The following FAM118A variants were observed in gnomAD, a reference collection of about 807,000 sequenced individuals.
FAM118A encodes SIR2 antiphage like 2.
FAM118A carries 25 observed loss-of-function variants against 38.2 expected under a neutral mutation model. That is an observed-to-expected ratio of 0.65 (90% CI 0.48 to 0.91). The LOEUF is 0.91. FAM118A is among the 40% of genes least tolerant of loss of function. The pLI is 0.00. For missense variants in FAM118A, 425 were observed against 463.3 expected, an observed-to-expected ratio of 0.92 and a Z score of 0.76; for synonymous variants, 178 against 184.1, an observed-to-expected ratio of 0.97 and a Z score of 0.27.
In FAM118A at chr22:45,322,356, A is replaced by G; in HGVS notation, c.-9-15A>G. On this transcript the variant is annotated splice_polypyrimidine_tract_variant and intron_variant, in intron 1 of 8. Coordinates refer to ENST00000441876, the MANE Select transcript of FAM118A (RefSeq NM_017911.4). Reference sequence around the variant, plus strand: ...TGGGAGACAGAAGTCACTTCTGACTAATTTTTCTCTTTAGAATTCACAGAT... The same window carrying G: ...TGGGAGACAGAAGTCACTTCTGACTGATTTTTCTCTTTAGAATTCACAGAT... 1 of 1,605,616 alleles carries G rather than the reference A, an allele frequency of 6.2e-7. No homozygotes were observed. The highest frequency in any genetic ancestry group is 1.1e-5 in the South Asian group (1 of 89,034).
intron 6 of FAM118A, among the ~76,000 whole-genome samples, chr22:45,333,674 CAA>C (rs541613789): frequency 9.6e-5 from 9 of 93,544 alleles, no homozygotes; most frequent in Non-Finnish European, 1.2e-4. Context: ...ACTCTGTTTC[CAA>C]AAAAAAAAAA....
chr22:45,327,439 C>A (rs6006987), intron 3 of FAM118A, among the ~76,000 whole-genome samples: 66,946 of 151,936 alleles, frequency 0.44, 17,966 homozygotes, highest in African/African-American at 0.75. Context: ...CTCCTGCCTC[C>A]GTGGCCTCTT....
intron 1 of FAM118A, among the ~76,000 whole-genome samples, chr22:45,313,968 A>C (rs959066308): frequency 5.3e-5 from 8 of 152,182 alleles, no homozygotes; most frequent in African/African-American, 1.4e-4. Flanking sequence ...ATTCCATTTA[A>C]TGCTTCCAGC....
chr22:45,329,118 G>A (rs736037), intron 4 of FAM118A: 67,143 of 152,382 alleles, frequency 0.44, 18,831 homozygotes, highest in African/African-American at 0.79. Context: ...GGGGATCACA[G>A]TTCAGCATGA....
chr22:45,324,189 T>C (rs908740138), intron 3 of FAM118A, among the ~76,000 whole-genome samples: 6 of 152,104 alleles, frequency 3.9e-5, no homozygotes, highest in Non-Finnish European at 5.9e-5. Context: ...AGAGTTGAGG[T>C]TGGCTGTGAA....
At chr22:45,340,272 G>A (rs3827393) in intron 8 of FAM118A, 114 bp from the exon 9 acceptor site, 1,133,265 of 1,308,476 alleles carry the variant, frequency 0.87, 491,743 homozygotes, top group African/African-American at 0.91. Context: ...GGTTTTCAAA[G>A]TCTTCCGTAC....
At chr22:45,324,479 T>G (rs2085114743) in intron 3 of FAM118A, among the ~76,000 whole-genome samples, 1 of 152,238 alleles carries the variant, frequency 6.6e-6, no homozygotes, top group Admixed American at 6.5e-5. Context: ...TTCATCTCAT[T>G]GGCCAGAGTT....
chr22:45,323,005 G>A (rs891838684), intron 2 of FAM118A, among the ~76,000 whole-genome samples, 170 bp from the exon 3 acceptor site: 2 of 151,602 alleles, frequency 1.3e-5, no homozygotes, highest in African/African-American at 2.4e-5. Flanking sequence ...CGCAAAGAAG[G>A]ATACACAGGC....
intron 3 of FAM118A, among the ~76,000 whole-genome samples, chr22:45,325,892 T>G (rs1014372976): frequency 6.6e-6 from 1 of 151,986 alleles, no homozygotes; most frequent in Non-Finnish European, 1.5e-5. Flanking sequence ...GAGCCAGGTC[T>G]CAGGTCGGGG....
At chr22:45,332,892 C>T (rs570722677) in intron 6 of FAM118A, among the ~76,000 whole-genome samples, 182 bp downstream of exon 6, 2 of 152,134 alleles carry the variant, frequency 1.3e-5, no homozygotes, top group African/African-American at 2.4e-5. Flanking sequence ...TACAGGCATG[C>T]GCCACCATGC....
intron 3 of FAM118A, among the ~76,000 whole-genome samples, chr22:45,327,300 A>G (rs75238271): frequency 0.01 from 1,476 of 145,994 alleles, 21 homozygotes; most frequent in African/African-American, 0.035. Context: ...CCACGAAGAC[A>G]CGCTGTTTCA....
intron 2 of FAM118A, 134 bp from the exon 3 acceptor site, chr22:45,323,041 C>CTCTG (rs34063912): frequency 1.5e-6 from 1 of 658,848 alleles, no homozygotes; most frequent in South Asian, 2.0e-5. Context: ...TCAGAGGGGA[C>CTCTG]TGTGTGTGTG....
intron 8 of FAM118A, among the ~76,000 whole-genome samples, chr22:45,338,698 C>T (rs1291812724): frequency 1.3e-5 from 2 of 152,104 alleles, no homozygotes; most frequent in Admixed American, 6.5e-5. Context: ...ATAAGTAAGC[C>T]AAAGTAAAAC....
intron 8 of FAM118A, 145 bp downstream of exon 8, chr22:45,336,556 A>C: frequency 1.6e-6 from 1 of 625,158 alleles, no homozygotes; most frequent in East Asian, 2.8e-5. Flanking sequence ...AGAGCACAGG[A>C]GGCTTACTTA....
At chr22:45,330,985 AG>A (rs1347034925) in intron 5 of FAM118A, among the ~76,000 whole-genome samples, 1 of 152,184 alleles carries the variant, frequency 6.6e-6, no homozygotes. Flanking sequence ...TTCCTTTCAA[AG>A]CAGAGATCTG....
Position 45,336,381 on chromosome 22 carries a change from G to A in FAM118A, c.1024G>A (p.Val342Ile), listed in dbSNP as rs375304927. ...GAAGTTAGAAGAGAATGGAATTGAA[G>A]TTTCAAAAAAACGCACACAATCAGA... ...KRKLEENGIE[V>I]SKKRTQSDTD... The change falls in exon 8 of 9, where the codon GTT (valine) becomes ATT (isoleucine). Residue 342 changes from valine (V) to isoleucine (I), a missense_variant. By Grantham distance (29) the Val-to-Ile change is conservative. Transcript: ENST00000441876. 2.7e-5 allele frequency: 44 copies of A among 1,613,958 alleles called. No homozygotes were observed. Among genetic ancestry groups the A allele is most frequent in the South Asian group, 5.5e-5 (5 of 91,088 alleles).
At chr22:45,330,782 G>T in intron 5 of FAM118A, 51 bp downstream of exon 5, 1 of 1,454,444 alleles carries the variant, frequency 6.9e-7, no homozygotes, top group Non-Finnish European at 9.1e-7. Context: ...GATTACTGGT[G>T]GCCACTGGCC....
chr22:45,310,257 C>G (rs1028576692), intron 1 of FAM118A, 74 bp downstream of exon 1: 9 of 151,992 alleles, frequency 5.9e-5, no homozygotes, highest in African/African-American at 2.2e-4. Flanking sequence ...AGGATCCGCC[C>G]CGGCCCCGGG....
rs374399101 is a variant in FAM118A, at chr22:45,319,324, T to C, written c.-9-3047T>C. On this transcript the variant is annotated intron_variant, in intron 1 of 8. Transcript: ENST00000441876. ...CTTCTCATAGACAGGGAGGAGTAAC[T>C]ATTTGGAAGTGATGTGGATTATTTT... 2.0e-5 allele frequency among the ~76,000 whole-genome samples: 3 copies of C among 152,116 alleles called. No homozygotes were observed. In the East Asian group the frequency reaches 5.8e-4, roughly 29 times the overall value.
Sources: allele counts gnomAD v4.1 joint callset (sites outside exome capture counted in the v4.1 genomes callset), GRCh38; gene constraint gnomAD v4.1.1; transcripts MANE v1.5; gene names NCBI Gene and HGNC (gene_info 2026-07-23, HGNC 2026-07-21).